ATP5PF: variants seen among roughly 807,000 people sequenced by gnomAD.
ATP5PF encodes the protein ATP synthase peripheral stalk subunit F6, mitochondrial.
In ATP5PF, 7 loss-of-function variants were observed where a neutral mutation model predicts 12.0. The observed-to-expected ratio is 0.58, with a 90% confidence interval of 0.33 to 1.10. The LOEUF is 1.10. ATP5PF is among the 50% of genes least tolerant of loss of function. ATP5PF has a pLI of 0.03. For missense variants in ATP5PF, 120 were observed against 127.7 expected, an observed-to-expected ratio of 0.94 and a Z score of 0.29; for synonymous variants, 41 against 45.4, an observed-to-expected ratio of 0.90 and a Z score of 0.39.
rs2034581323 is a variant in ATP5PF, at chr21:25,725,103, C to T, written c.289+123G>A. ...CATTTAGCCGGCAGCTTCTCAGGCA[C>T]ACGTCATGGTCCTAATAAATTCACA... On this transcript the variant is annotated intron_variant, in intron 3 of 3. Coordinates refer to ENST00000284971, the MANE Select transcript of ATP5PF (RefSeq NM_001003703.2). The T allele has an allele frequency of 3.8e-6, 5 of 1,319,226 alleles. No homozygotes were observed. In the South Asian group the frequency reaches 7.4e-5, roughly 19 times the overall value. 81.7% of individuals were successfully genotyped at this position (1,319,226 alleles called of 1,614,324 possible).
chr21:25,732,820 C>T (rs2034822728), intron 1 of ATP5PF, among the ~76,000 whole-genome samples: 2 of 151,290 alleles, frequency 1.3e-5, no homozygotes, highest in African/African-American at 2.4e-5. Flanking sequence ...CCCGTCTCTA[C>T]CAAAAATACA....
At chr21:25,730,172 T>C (rs1333128552) in intron 1 of ATP5PF, among the ~76,000 whole-genome samples, 4 of 152,174 alleles carry the variant, frequency 2.6e-5, no homozygotes, top group African/African-American at 9.7e-5. Flanking sequence ...CCCAAACTAA[T>C]GTACAAGGTT....
At chr21:25,733,063 G>A (rs1436862733) in intron 1 of ATP5PF, among the ~76,000 whole-genome samples, 1 of 143,122 alleles carries the variant, frequency 7.0e-6, no homozygotes, top group Non-Finnish European at 1.5e-5. Flanking sequence ...CTGACAGAAT[G>A]AAAGCAAACT....
intron 1 of ATP5PF, 101 bp from the exon 2 acceptor site, chr21:25,729,902 A>ATC (rs1319582429): frequency 7.7e-7 from 1 of 1,301,438 alleles, no homozygotes; most frequent in Non-Finnish European, 1.0e-6. Context: ...ACAGAATTAC[A>ATC]TCATATCAGA....
intron 1 of ATP5PF, among the ~76,000 whole-genome samples, chr21:25,731,664 C>T (rs2034781722): frequency 6.6e-6 from 1 of 152,052 alleles, no homozygotes; most frequent in Non-Finnish European, 1.5e-5. Context: ...TTCCCATGCC[C>T]TCCCCAAATT....
chr21:25,724,824 T>A (rs2034574316), intron 3 of ATP5PF, 147 bp from the exon 4 acceptor site: 2 of 792,480 alleles, frequency 2.5e-6, no homozygotes. Context: ...AGCTAAACAT[T>A]TATGCAACAC....
rs1033067816 is a variant in ATP5PF at position 25,734,855 on chromosome 21, T to G, written c.-10A>C. ...GATCTAGCTACCCTCCCAGTCACCTTGCACTCAGTCCCGAGCTGCCAAAGC... is the reference window on the plus strand; with the variant it reads ...GATCTAGCTACCCTCCCAGTCACCTGGCACTCAGTCCCGAGCTGCCAAAGC... On this transcript the variant is annotated splice_region_variant and 5_prime_UTR_variant, in exon 1 of 4. Transcript: ENST00000284971. 11 of 1,541,030 alleles carry G rather than the reference T, an allele frequency of 7.1e-6. No individual in the cohort carries two copies. The highest frequency in any genetic ancestry group is 8.7e-6 in the Non-Finnish European group (10 of 1,147,030).
At chr21:25,732,969 G>C (rs933285614) in intron 1 of ATP5PF, among the ~76,000 whole-genome samples, 1 of 90,482 alleles carries the variant, frequency 1.1e-5, no homozygotes, top group South Asian at 3.9e-4. Flanking sequence ...TGGGCAACAA[G>C]AGTGAAACTC....
chr21:25,734,882 T>C lies in ATP5PF; in HGVS notation c.-37A>G. ...CACTCAGTCCCGAGCTGCCAAAGCCTCCGCCGCCACCACCTCCGCTCTACT... is the reference window on the plus strand; with the variant it reads ...CACTCAGTCCCGAGCTGCCAAAGCCCCCGCCGCCACCACCTCCGCTCTACT... On this transcript the variant is annotated 5_prime_UTR_variant, in exon 1 of 4. Transcript: ENST00000284971. The C allele has an allele frequency of 6.5e-7, 1 of 1,549,752 alleles. No individual in the cohort carries two copies. The highest frequency in any genetic ancestry group is 8.7e-7 in the Non-Finnish European group (1 of 1,150,572).
At chr21:25,724,770 A>C in intron 3 of ATP5PF, 93 bp from the exon 4 acceptor site, 1 of 1,294,946 alleles carries the variant, frequency 7.7e-7, no homozygotes, top group Non-Finnish European at 1.1e-6. Flanking sequence ...CAATTTTCTG[A>C]TTTTTTTAGT....
At chr21:25,735,090 C>G (rs1287273187), upstream of ATP5PF, 3 of 844,350 alleles carry the variant, frequency 3.6e-6, no homozygotes, top group African/African-American at 3.4e-5. Flanking sequence ...TCCGGGTCCC[C>G]TGGCACAGCC....
chr21:25,733,605 C>T (rs2034876215), intron 1 of ATP5PF, among the ~76,000 whole-genome samples: 1 of 152,058 alleles, frequency 6.6e-6, no homozygotes, highest in Admixed American at 6.5e-5. Context: ...TTGTGCAATT[C>T]AATGCCACTT....
Position 25,728,219 on chromosome 21 carries a change from T to C in ATP5PF, c.164+1412A>G, listed in dbSNP as rs576182909. Among the ~76,000 whole-genome samples the C allele has an allele frequency of 1.6e-4, 25 of 152,304 alleles. No individual in the cohort carries two copies. In the South Asian group the frequency reaches 5.2e-3, roughly 32 times the overall value. ...CCTTCCAATACCCTGGTTAAAATTA[T>C]CCTCCTAATTCAGAGTAATCTTCCA... is the stretch of plus-strand genomic sequence containing the variant. On this transcript the variant is annotated intron_variant, in intron 2 of 3. Coordinates refer to ENST00000284971, the MANE Select transcript of ATP5PF (RefSeq NM_001003703.2).
At chr21:25,727,612 T>C (rs1047420921) in intron 2 of ATP5PF, among the ~76,000 whole-genome samples, 2 of 152,178 alleles carry the variant, frequency 1.3e-5, no homozygotes, top group African/African-American at 4.8e-5. Flanking sequence ...ATGTGTTTGT[T>C]TGCACAAACG....
chr21:25,734,017 T>C (rs2034901615), intron 1 of ATP5PF, among the ~76,000 whole-genome samples: 1 of 152,246 alleles, frequency 6.6e-6, no homozygotes, highest in South Asian at 2.1e-4. Flanking sequence ...TTATAAGTCC[T>C]ACGAACTCAT....
At chr21:25,734,301 G>A in intron 1 of ATP5PF, 20 of 984,470 alleles carry the variant, frequency 2.0e-5, no homozygotes, top group Non-Finnish European at 2.4e-5. Context: ...GTTCTGGGTG[G>A]GAGCATGGTT....
chr21:25,730,736 CAAAAAAAAAAAAAAAAAAAAAAAAA>C (rs71183508), intron 1 of ATP5PF, among the ~76,000 whole-genome samples: 2 of 31,896 alleles, frequency 6.3e-5, no homozygotes, highest in African/African-American at 8.8e-5. Flanking sequence ...CTCCGTCTCA[CAAAAAAAAAAAAAAAAAAAAAAAAA>C]AAAAAAAAAA....
intron 2 of ATP5PF, among the ~76,000 whole-genome samples, chr21:25,727,909 A>G (rs908427966): frequency 1.3e-5 from 2 of 152,170 alleles, no homozygotes; most frequent in African/African-American, 4.8e-5. Context: ...TACCATGTCT[A>G]CAAAGCACAG....
At chr21:25,732,840 G>A (rs1347412203) in intron 1 of ATP5PF, among the ~76,000 whole-genome samples, 2 of 151,120 alleles carry the variant, frequency 1.3e-5, no homozygotes, top group African/African-American at 2.4e-5. Context: ...AAAATTAGCC[G>A]GGAGTGGTGG....
Sources: gnomAD v4.1 joint callset for allele counts (sites outside exome capture counted in the v4.1 genomes callset) on GRCh38, gnomAD v4.1.1 for gene constraint, MANE v1.5 for transcripts, NCBI Gene and HGNC (gene_info 2026-07-23, HGNC 2026-07-21) for gene names.